The following ANTXR1 variants were observed in gnomAD, a reference collection of about 807,000 sequenced individuals.
ANTXR1 encodes anthrax toxin receptor 1.
ANTXR1 carries 19 observed loss-of-function variants against 78.1 expected under a neutral mutation model. That is an observed-to-expected ratio of 0.24 (90% CI 0.17 to 0.36). The LOEUF (loss-of-function observed/expected upper bound fraction) is 0.36. Among genes scored for constraint, ANTXR1 ranks in the 10% least tolerant of loss-of-function variants. The pLI, the probability that ANTXR1 is intolerant of heterozygous loss-of-function variation, is 1.00. For synonymous variants in ANTXR1, 273 were observed against 260.5 expected, an observed-to-expected ratio of 1.05 and a Z score of -0.46; for missense variants, 518 against 718.6, an observed-to-expected ratio of 0.72 and a Z score of 3.19.
At chr2:69,181,435 C>A (rs1273576295) in intron 14 of ANTXR1, among the ~76,000 whole-genome samples, 1 of 152,098 alleles carries the variant, frequency 6.6e-6, no homozygotes, top group Non-Finnish European at 1.5e-5. Context: ...GTCAAGTGAG[C>A]AGTTGGAGTT....
chr2:69,154,407 A>C (rs944512099), intron 13 of ANTXR1, among the ~76,000 whole-genome samples: 1 of 152,110 alleles, frequency 6.6e-6, no homozygotes, highest in Non-Finnish European at 1.5e-5. Flanking sequence ...CTTGCTGATC[A>C]CTTGCTTCCT....
intron 17 of ANTXR1, among the ~76,000 whole-genome samples, chr2:69,243,829 A>G: frequency 6.6e-6 from 1 of 152,304 alleles, no homozygotes; most frequent in East Asian, 1.9e-4. Context: ...CAGGCCCAGC[A>G]TAGAGGGCAG....
chr2:69,213,307 G>T (rs781031023), intron 17 of ANTXR1, among the ~76,000 whole-genome samples: 1 of 152,156 alleles, frequency 6.6e-6, no homozygotes. Context: ...CATCTGAAGC[G>T]CTGCTTCTCA....
chr2:69,196,448 A>G (rs530271869), intron 17 of ANTXR1, among the ~76,000 whole-genome samples: 147 of 152,376 alleles, frequency 9.6e-4, no homozygotes, highest in African/African-American at 2.0e-3. Flanking sequence ...TACACAAGAA[A>G]GGTCACAGAT....
chr2:69,244,211 G>A (rs1675960858), intron 17 of ANTXR1, among the ~76,000 whole-genome samples: 1 of 152,248 alleles, frequency 6.6e-6, no homozygotes, highest in South Asian at 2.1e-4. Context: ...TTTGGACGCT[G>A]ACTTTCAGGA....
intron 17 of ANTXR1, among the ~76,000 whole-genome samples, chr2:69,210,304 G>A (rs1377605523): frequency 6.6e-6 from 1 of 152,140 alleles, no homozygotes; most frequent in African/African-American, 2.4e-5. Context: ...TCACCCCTTT[G>A]TTTTGCTTTG....
At chr2:69,125,771 G>A (rs1173594938) in intron 12 of ANTXR1, among the ~76,000 whole-genome samples, 1 of 152,072 alleles carries the variant, frequency 6.6e-6, no homozygotes, top group Non-Finnish European at 1.5e-5. Flanking sequence ...AGCCCGAGAG[G>A]TGGAGGTTGC....
chr2:69,084,317 G>A (rs1670982910), intron 8 of ANTXR1, among the ~76,000 whole-genome samples: 1 of 152,166 alleles, frequency 6.6e-6, no homozygotes. Context: ...TTAGAACCTT[G>A]TTTATCCTAC....
intron 10 of ANTXR1, among the ~76,000 whole-genome samples, chr2:69,118,009 A>T (rs1672208044): frequency 6.6e-6 from 1 of 152,214 alleles, no homozygotes; most frequent in African/African-American, 2.4e-5. Context: ...CAAGCTTGTC[A>T]GACTCCTATA....
rs529752720 is a variant in ANTXR1, at chr2:69,223,050, G to A, written c.1435-22175G>A. ...GCATGTCCCACCTTTTGGGGACCCT[G>A]AGGTCCAGTGTGGAGAAGCAAGGAG... On this transcript the variant is annotated intron_variant, in intron 17 of 17. Coordinates refer to ENST00000303714, the MANE Select transcript of ANTXR1 (RefSeq NM_032208.3). Among the ~76,000 whole-genome samples the A allele has an allele frequency of 1.2e-4, 19 of 152,306 alleles. No individual in the cohort carries two copies. The South Asian group carries it at 3.9e-3, about 32-fold the overall frequency.
At chr2:69,190,659 G>T (rs1674524137) in intron 16 of ANTXR1, among the ~76,000 whole-genome samples, 2 of 152,124 alleles carry the variant, frequency 1.3e-5, no homozygotes, top group African/African-American at 2.4e-5. Context: ...CTAACCCATA[G>T]AGCTGGTGAA....
intron 1 of ANTXR1, among the ~76,000 whole-genome samples, chr2:69,028,708 A>G (rs1573784265): frequency 1.3e-5 from 2 of 152,330 alleles, no homozygotes; most frequent in African/African-American, 4.8e-5. Flanking sequence ...TTGACATAAT[A>G]TTGCATCAAC....
intron 9 of ANTXR1, among the ~76,000 whole-genome samples, chr2:69,100,742 A>G (rs1277667079): frequency 6.6e-6 from 1 of 152,234 alleles, no homozygotes; most frequent in Non-Finnish European, 1.5e-5. Context: ...GGACACAGAA[A>G]TAGGTTTCTA....
intron 17 of ANTXR1, among the ~76,000 whole-genome samples, chr2:69,209,026 C>G (rs1192506426): frequency 1.3e-5 from 2 of 151,952 alleles, no homozygotes; most frequent in African/African-American, 4.8e-5. Context: ...CCTCAGCCTC[C>G]CAAGTAGCTG....
chr2:69,165,639 G>A (rs922150996), intron 13 of ANTXR1, among the ~76,000 whole-genome samples: 3 of 152,266 alleles, frequency 2.0e-5, no homozygotes, highest in Admixed American at 6.5e-5. Context: ...TGCTGCTAAA[G>A]CAGCATGTGG....
intron 3 of ANTXR1, among the ~76,000 whole-genome samples, chr2:69,069,588 C>CT (rs1670506574): frequency 6.6e-6 from 1 of 152,134 alleles, no homozygotes. Flanking sequence ...AGGAGAAAGC[C>CT]TTTTTTGAGT....
chr2:69,015,154 G>C (rs1234156777), intron 1 of ANTXR1, among the ~76,000 whole-genome samples: 1 of 150,918 alleles, frequency 6.6e-6, no homozygotes, highest in Non-Finnish European at 1.5e-5. Flanking sequence ...GGATACTGTA[G>C]AGATAACCAG....
intron 8 of ANTXR1, among the ~76,000 whole-genome samples, chr2:69,082,087 C>T (rs1040174954): frequency 2.6e-5 from 4 of 152,188 alleles, no homozygotes; most frequent in African/African-American, 9.7e-5. Flanking sequence ...GAGAGGAAGA[C>T]ACTGAGGACT....
intron 9 of ANTXR1, among the ~76,000 whole-genome samples, chr2:69,095,190 C>T (rs1018854982): frequency 5.3e-5 from 8 of 152,040 alleles, no homozygotes; most frequent in Admixed American, 1.3e-4. Context: ...TCCTTCTTTC[C>T]TTGCTTTTTT....
Sources: allele counts gnomAD v4.1 joint callset (sites outside exome capture counted in the v4.1 genomes callset), GRCh38; gene constraint gnomAD v4.1.1; transcripts MANE v1.5; gene names NCBI Gene and HGNC (gene_info 2026-07-23, HGNC 2026-07-21).